Variants in FBXL13 observed in about 807,000 individuals in gnomAD.
FBXL13 encodes F-box and leucine rich repeat protein 13.
FBXL13 carries 67 observed loss-of-function variants against 83.6 expected under a neutral mutation model. The ratio of observed to expected loss-of-function variants is 0.80; its 90% CI spans 0.66 to 0.98. The LOEUF (loss-of-function observed/expected upper bound fraction) is 0.98, where lower values mean the gene tolerates loss of function less well. Ranked by LOEUF, FBXL13 falls within the 50% of genes least tolerant of loss-of-function variation. The probability of loss-of-function intolerance (pLI) is 0.00; values close to 1 mark genes in which losing one functional copy is unlikely to be tolerated. For synonymous variants in FBXL13, 272 were observed against 299.5 expected, an observed-to-expected ratio of 0.91 and a Z score of 0.95; for missense variants, 822 against 866.5, an observed-to-expected ratio of 0.95 and a Z score of 0.64.
intron 10 of FBXL13, among the ~76,000 whole-genome samples, chr7:102,923,060 A>G (rs905582846): frequency 1.3e-5 from 2 of 152,218 alleles, no homozygotes; most frequent in Non-Finnish European, 2.9e-5. Context: ...TTTTATTAAC[A>G]TTAATAAGAC....
chr7:102,983,974 C>T (rs1828614396), intron 6 of FBXL13, among the ~76,000 whole-genome samples: 1 of 152,080 alleles, frequency 6.6e-6, no homozygotes, highest in African/African-American at 2.4e-5. Flanking sequence ...ATACTTTGTT[C>T]GTGACATTAG....
chr7:102,979,631 T>C (rs1262531728), intron 6 of FBXL13, among the ~76,000 whole-genome samples: 1 of 152,230 alleles, frequency 6.6e-6, no homozygotes, highest in Non-Finnish European at 1.5e-5. Flanking sequence ...AATGCAGTCA[T>C]GGAGGCTTTA....
intron 2 of FBXL13, among the ~76,000 whole-genome samples, chr7:103,035,926 C>A (rs1171743797): frequency 6.6e-6 from 1 of 152,120 alleles, no homozygotes; most frequent in Non-Finnish European, 1.5e-5. Flanking sequence ...GAATAGGGGT[C>A]TCCAACCCCC....
intron 11 of FBXL13, among the ~76,000 whole-genome samples, chr7:102,893,975 A>G (rs879603797): frequency 6.7e-6 from 1 of 149,088 alleles, no homozygotes; most frequent in Non-Finnish European, 1.5e-5. Flanking sequence ...AGAAAGAAAG[A>G]AAGAAAGAGG....
chr7:102,980,902 A>G (rs1478774857), intron 6 of FBXL13, among the ~76,000 whole-genome samples: 2 of 135,182 alleles, frequency 1.5e-5, no homozygotes, highest in African/African-American at 2.8e-5. Flanking sequence ...AAAATAAATA[A>G]GAGTTCATCA....
intron 6 of FBXL13, among the ~76,000 whole-genome samples, chr7:102,974,548 A>C (rs1326493440): frequency 6.6e-6 from 1 of 152,094 alleles, no homozygotes; most frequent in Non-Finnish European, 1.5e-5. Flanking sequence ...TAACTGATTT[A>C]AGCAATTATT....
intron 16 of FBXL13, among the ~76,000 whole-genome samples, chr7:102,865,876 C>T (rs755084538): frequency 3.3e-5 from 5 of 152,188 alleles, no homozygotes; most frequent in East Asian, 1.9e-4. Flanking sequence ...GACAGTGTCT[C>T]GCTGTATCAC....
chr7:103,011,211 C>A (rs562158762), intron 6 of FBXL13, among the ~76,000 whole-genome samples: 88 of 152,132 alleles, frequency 5.8e-4, no homozygotes, highest in African/African-American at 2.1e-3. Flanking sequence ...GATGAGATGT[C>A]AGATGTAGAA....
intron 6 of FBXL13, among the ~76,000 whole-genome samples, chr7:103,024,388 C>T (rs564911242): frequency 7.3e-5 from 11 of 151,716 alleles, no homozygotes; most frequent in Admixed American, 4.6e-4. Context: ...ATTAGCTGGG[C>T]GTAGTGGTGG....
chr7:102,854,320 A>G (rs1584638681), intron 17 of FBXL13, among the ~76,000 whole-genome samples: 1 of 151,864 alleles, frequency 6.6e-6, no homozygotes, highest in South Asian at 2.1e-4. Context: ...GAATTGAACA[A>G]TGAGAACACA....
intron 6 of FBXL13, among the ~76,000 whole-genome samples, chr7:102,981,274 T>C (rs1388803014): frequency 6.6e-6 from 1 of 152,192 alleles, no homozygotes; most frequent in Non-Finnish European, 1.5e-5. Flanking sequence ...GGGTCCATTT[T>C]AATGTTCTTC....
intron 6 of FBXL13, among the ~76,000 whole-genome samples, chr7:103,009,584 C>G (rs1791371194): frequency 6.6e-6 from 1 of 152,106 alleles, no homozygotes; most frequent in African/African-American, 2.4e-5. Flanking sequence ...TGAGGGGCAA[C>G]TCCTGAGTGC....
chr7:103,029,191 A>G (rs1265691292), intron 3 of FBXL13, among the ~76,000 whole-genome samples, 160 bp downstream of exon 4: 2 of 152,076 alleles, frequency 1.3e-5, no homozygotes, highest in Admixed American at 1.3e-4. Context: ...AACTAAGTAA[A>G]AGCTGATTAA....
intron 18 of FBXL13, among the ~76,000 whole-genome samples, chr7:102,827,783 T>G (rs1465324124): frequency 6.6e-6 from 1 of 152,126 alleles, no homozygotes; most frequent in Non-Finnish European, 1.5e-5. Context: ...AGTGTTTGGT[T>G]TTTTGTCCTT....
chr7:102,835,607 T>TG (rs1232665597), intron 17 of FBXL13, among the ~76,000 whole-genome samples: 2 of 88,856 alleles, frequency 2.3e-5, no homozygotes, highest in African/African-American at 4.4e-5. Context: ...GACATTGTTT[T>TG]TTTTTTTTTT....
chr7:102,883,669 C>T, exon 13 of FBXL13: 1 of 1,603,692 alleles, frequency 6.2e-7, no homozygotes, highest in Non-Finnish European at 8.5e-7. Context: ...AATACGAGAG[C>T]ATTTTTCAAC....
chr7:103,019,975 G>A (rs952640753), intron 6 of FBXL13, among the ~76,000 whole-genome samples: 1 of 152,170 alleles, frequency 6.6e-6, no homozygotes, highest in South Asian at 2.1e-4. Flanking sequence ...CTCATTTTAT[G>A]AGGCCAGCAT....
At chr7:103,036,643 C>T (rs889211878) in intron 2 of FBXL13, among the ~76,000 whole-genome samples, 1 of 152,122 alleles carries the variant, frequency 6.6e-6, no homozygotes, top group Non-Finnish European at 1.5e-5. Flanking sequence ...TCCTCAGTAA[C>T]TGGGATTACA....
At chr7:103,071,394 T>A (rs1181964326) in intron 1 of FBXL13, among the ~76,000 whole-genome samples, 1 of 152,050 alleles carries the variant, frequency 6.6e-6, no homozygotes, top group African/African-American at 2.4e-5. Context: ...TAATTTTTTA[T>A]TTTTTTAGAG....
Sources: gnomAD v4.1 joint callset for allele counts (sites outside exome capture counted in the v4.1 genomes callset) on GRCh38, gnomAD v4.1.1 for gene constraint, MANE v1.5 for transcripts, NCBI Gene and HGNC (gene_info 2026-07-23, HGNC 2026-07-21) for gene names.